The following LIX1L variants were observed in gnomAD, a reference collection of about 807,000 sequenced individuals.
LIX1L encodes the protein limb and CNS expressed 1 like.
Under a neutral mutation model 34.0 loss-of-function variants are expected in LIX1L, and 20 were observed. The ratio of observed to expected loss-of-function variants is 0.59; its 90% CI spans 0.41 to 0.85. The LOEUF is 0.85. LIX1L is among the 40% of genes least tolerant of loss of function. The probability of loss-of-function intolerance (pLI) is 0.00; values close to 1 mark genes in which losing one functional copy is unlikely to be tolerated. For missense variants in LIX1L, 397 were observed against 447.0 expected (o/e 0.89, Z 1.01); for synonymous variants, 170 against 187.4 (o/e 0.91, Z 0.76).
chr1:145,950,587 T>C (rs1307278589), intron 1 of LIX1L, among the ~76,000 whole-genome samples: 1 of 151,534 alleles, frequency 6.6e-6, no homozygotes, highest in Non-Finnish European at 1.5e-5. Context: ...AGGATGATCT[T>C]GATCTCCTGA....
rs1249162727 is a variant in LIX1L at position 145,947,481 on chromosome 1, T to G, written c.456+138A>C. ...CTATGGTCAAATTGGCCTCAGATGC[T>G]TGCCAGAATAATTTCCCCAGAATTG... On this transcript the variant is annotated intron_variant, in intron 2 of 5. Coordinates refer to ENST00000604000, the MANE Select transcript of LIX1L (RefSeq NM_153713.3). 19 of 912,068 alleles carry G rather than the reference T, an allele frequency of 2.1e-5. No homozygotes were observed. The Admixed American group carries it at 5.1e-4, about 24-fold the overall frequency. The allele number at this position is 912,068 out of a possible 1,614,324, so 56.5% of individuals were successfully genotyped here.
At chr1:145,947,504 T>C in intron 2 of LIX1L, 115 bp downstream of exon 2, 1 of 1,089,630 alleles carries the variant, frequency 9.2e-7, no homozygotes, top group Non-Finnish European at 1.3e-6. Context: ...TTCCCCAGAA[T>C]TGCTTTAGGT....
rs587753259 is a variant in LIX1L at position 145,940,658 on chromosome 1, C to G, written c.597+2055G>C. On this transcript the variant is annotated intron_variant, in intron 3 of 5. Transcript: ENST00000604000. Reference sequence around the variant, plus strand: ...CTCTGCCTTCCAGGTTCAAGTGATTCTCCTGCCTCAGCCTCCCAAGTAGCT... The same window carrying G: ...CTCTGCCTTCCAGGTTCAAGTGATTGTCCTGCCTCAGCCTCCCAAGTAGCT... Among the ~76,000 whole-genome samples the G allele has an allele frequency of 3.4e-5, 5 of 144,994 alleles. No individual in the cohort carries two copies. In the East Asian group the frequency reaches 1.0e-3, roughly 30 times the overall value.
chr1:145,955,092 T>C (rs1649425674), intron 1 of LIX1L, among the ~76,000 whole-genome samples: 1 of 152,154 alleles, frequency 6.6e-6, no homozygotes, highest in Non-Finnish European at 1.5e-5. Context: ...TGGTGATCAA[T>C]AAATATTTGG....
At position 145,936,918 on chromosome 1, in the gene LIX1L, C is replaced by T. The variant is rs781849446; in HGVS notation, c.761G>A (p.Cys254Tyr). ...CATAAAATCTCTTACCTGCCGAGAG[C>T]ATTGTCGTTCCCTCATGGCCTTAAG... is the stretch of plus-strand genomic sequence containing the variant. Reference protein sequence around the residue: ...GSLKAMRERQCSRQEVLAHYS... With the variant: ...GSLKAMRERQYSRQEVLAHYS... The change falls in exon 5 of 6, where the codon TGC becomes TAC. Residue 254 changes from cysteine (C) to tyrosine (Y), a missense_variant. Physicochemically the swap from Cys to Tyr is radical, Grantham distance 194. Coordinates refer to ENST00000604000, the MANE Select transcript of LIX1L (RefSeq NM_153713.3). 6.2e-7 allele frequency: 1 copy of T among 1,611,360 alleles called. No homozygotes were observed. Among genetic ancestry groups the T allele is most frequent in the Admixed American group, 1.7e-5 (1 of 60,006 alleles).
At position 145,947,838 on chromosome 1, in the gene LIX1L, C is replaced by CTA. The variant is rs1649166303; in HGVS notation, c.293-58_293-57dup. On this transcript the variant is annotated intron_variant, in intron 1 of 5. Coordinates refer to ENST00000604000, the MANE Select transcript of LIX1L (RefSeq NM_153713.3). ...TGAATGAGAACACCTCCACGTGGTG[C>CTA]TATACTTCAATACAGTACCTGTAAC... is the stretch of plus-strand genomic sequence containing the variant. 3 of 1,520,784 alleles carry CTA rather than the reference C, an allele frequency of 2.0e-6. No homozygotes were observed. In the South Asian group the frequency reaches 3.4e-5, roughly 17 times the overall value. 94.2% of individuals were successfully genotyped at this position (1,520,784 alleles called of 1,614,324 possible). A position where few individuals can be genotyped will look rare whatever the true frequency, so the allele number is the denominator to read the frequency against.
At chr1:145,954,117 TTA>T (rs1399331801) in intron 1 of LIX1L, among the ~76,000 whole-genome samples, 15 of 150,342 alleles carry the variant, frequency 1.0e-4, no homozygotes, top group South Asian at 4.2e-4. Context: ...GAGGCAGAGA[TTA>T]TAGTGATACA....
rs1648712628 is a variant in LIX1L, at chr1:145,937,646, G to GA, written c.650dup (p.Met218HisfsTer30). 2 of 1,613,660 alleles carry GA rather than the reference G, an allele frequency of 1.2e-6. No homozygotes were observed. Among genetic ancestry groups the GA allele is most frequent in the Non-Finnish European group, 1.7e-6 (2 of 1,179,802 alleles). ...ATTTGCCCTTGTTGGATTCCAGCATGAATCGGAAGGCACCAATCCCTGTAT... is the reference window on the plus strand; with the variant it reads ...ATTTGCCCTTGTTGGATTCCAGCATGAAATCGGAAGGCACCAATCCCTGTAT... On this transcript the variant is annotated frameshift_variant, in exon 4 of 6. Transcript: ENST00000604000. LOFTEE classifies it high-confidence loss of function.
chr1:145,957,585 A>G, intron 1 of LIX1L, 51 bp downstream of exon 1: 1 of 1,419,482 alleles, frequency 7.0e-7, no homozygotes, highest in East Asian at 2.9e-5. Flanking sequence ...CTGTGGGAGC[A>G]AGGCTCCCTT....
Position 145,957,902 on chromosome 1 carries a change from A to G in LIX1L, c.26T>C (p.Leu9Pro), listed in dbSNP as rs1203255478. METMRAQR[L>P]QPGVGTSGRG... ...CCCGCTGGTGCCCACACCAGGCTGC[A>G]GCCGCTGCGCTCGCATAGTCTCCAT... Residue 9 changes from leucine (L) to proline (P), a missense_variant, in exon 1 of 6, where the codon CTG becomes CCG. Physicochemically the swap from Leu to Pro is moderately conservative, Grantham distance 98 (BLOSUM62 -3). This residue lies in a region of LIX1L where 207 missense variants were observed against 205.2 expected (regional missense o/e 1.01). Coordinates refer to ENST00000604000, the MANE Select transcript of LIX1L (RefSeq NM_153713.3). The G allele has an allele frequency of 1.3e-6, 2 of 1,489,670 alleles. No homozygotes were observed. Among genetic ancestry groups the G allele is most frequent in the Non-Finnish European group, 1.8e-6 (2 of 1,123,670 alleles). 92.3% of individuals were successfully genotyped at this position (1,489,670 alleles called of 1,614,324 possible).
At chr1:145,939,988 C>CA (rs1648834781) in intron 3 of LIX1L, 1 of 151,460 alleles carries the variant, frequency 6.6e-6, no homozygotes, top group Non-Finnish European at 1.5e-5. Flanking sequence ...TTTTTTGAGA[C>CA]AGAATTTTGC....
intron 3 of LIX1L, chr1:145,942,035 C>CA (rs1648939621): frequency 6.6e-6 from 1 of 152,244 alleles, no homozygotes; most frequent in African/African-American, 2.4e-5. Context: ...AGACGCCCCC[C>CA]ACCATGCCCG....
At chr1:145,953,999 G>A (rs1242603547) in intron 1 of LIX1L, among the ~76,000 whole-genome samples, 6 of 152,022 alleles carry the variant, frequency 3.9e-5, no homozygotes, top group African/African-American at 1.4e-4. Flanking sequence ...GTTCCAGGCT[G>A]CGGTGAGCTA....
At chr1:145,938,814 CT>C (rs1648769366) in intron 3 of LIX1L, among the ~76,000 whole-genome samples, 1 of 152,114 alleles carries the variant, frequency 6.6e-6, no homozygotes, top group Non-Finnish European at 1.5e-5. Context: ...TCCTGAACCC[CT>C]GACCTCAGGT....
intron 3 of LIX1L, among the ~76,000 whole-genome samples, chr1:145,938,246 G>A (rs1259427717): frequency 2.0e-5 from 3 of 151,742 alleles, no homozygotes; most frequent in African/African-American, 7.3e-5. Flanking sequence ...TTACATTTTT[G>A]TACTGACTTT....
intron 2 of LIX1L, among the ~76,000 whole-genome samples, chr1:145,944,159 C>A (rs1285393460): frequency 3.9e-5 from 6 of 152,026 alleles, no homozygotes; most frequent in Non-Finnish European, 7.4e-5. Context: ...GAGTTTGAGA[C>A]CAGCCTGGGC....
At chr1:145,954,412 A>T (rs1320973025) in intron 1 of LIX1L, among the ~76,000 whole-genome samples, 2 of 152,200 alleles carry the variant, frequency 1.3e-5, no homozygotes, top group African/African-American at 4.8e-5. Context: ...AGCCCAACCC[A>T]TTTAACTCCA....
intron 3 of LIX1L, 56 bp from the exon 4 acceptor site, chr1:145,937,755 A>C (rs2101893190): frequency 2.0e-3 from 1,956 of 994,568 alleles, no homozygotes; most frequent in Non-Finnish European, 2.7e-3. Context: ...TTATCATCTC[A>C]AGCAGCACTG....
chr1:145,957,608 G>C, intron 1 of LIX1L, 28 bp downstream of exon 1: 1 of 1,480,714 alleles, frequency 6.8e-7, no homozygotes, highest in East Asian at 2.7e-5. Flanking sequence ...AGAGGGTGTC[G>C]CGCAGGAGGC....
Sources: allele counts gnomAD v4.1 joint callset (sites outside exome capture counted in the v4.1 genomes callset), GRCh38; gene constraint gnomAD v4.1.1; regional missense constraint gnomAD v4.1.1; transcripts MANE v1.5; gene names NCBI Gene and HGNC (gene_info 2026-07-23, HGNC 2026-07-21).